Variants in TAB1 observed in about 807,000 individuals in gnomAD.
TAB1 encodes TGF-beta-activated kinase 1 and MAP3K7-binding protein 1.
A neutral mutation model predicts 54.5 loss-of-function variants in TAB1; 30 were observed. The observed-to-expected ratio is 0.55, with a 90% CI of 0.41 to 0.75. TAB1 has a LOEUF of 0.75. TAB1 is among the 30% of genes least tolerant of loss of function. TAB1 has a pLI of 0.00. For synonymous variants in TAB1, 289 were observed against 286.9 expected (o/e 1.01, Z -0.07); for missense variants, 609 against 683.2 (o/e 0.89, Z 1.21).
intron 1 of TAB1, among the ~76,000 whole-genome samples, chr22:39,412,701 C>T (rs889414063): frequency 1.3e-5 from 2 of 152,146 alleles, no homozygotes; most frequent in African/African-American, 4.8e-5. Flanking sequence ...CAAAAGCTAA[C>T]CACAGGCTTT....
At chr22:39,429,110 T>C in intron 10 of TAB1, 1 of 985,436 alleles carries the variant, frequency 1.0e-6, no homozygotes. Flanking sequence ...CCCCTGCCTG[T>C]GTTCCTCACT....
chr22:39,436,393 CAGAG>C (rs973591341), downstream of TAB1: 26 of 978,120 alleles, frequency 2.7e-5, no homozygotes, highest in Admixed American at 2.5e-4. Flanking sequence ...TCCGTGGCCT[CAGAG>C]AGGTTTAGAA....
At chr22:39,429,377 G>A (rs1927488302) in intron 10 of TAB1, 2 of 985,426 alleles carry the variant, frequency 2.0e-6, no homozygotes, top group East Asian at 2.3e-4. Flanking sequence ...AGCTTCACCC[G>A]AGGAACTTCC....
chr22:39,434,113 G>A (rs1016820090), downstream of TAB1, among the ~76,000 whole-genome samples: 1 of 152,200 alleles, frequency 6.6e-6, no homozygotes, highest in Admixed American at 6.5e-5. Flanking sequence ...GGTTTTTCAT[G>A]TACAAAATGA....
intron 1 of TAB1, among the ~76,000 whole-genome samples, chr22:39,410,717 G>A (rs1926572297): frequency 1.3e-5 from 2 of 152,166 alleles, no homozygotes; most frequent in Non-Finnish European, 2.9e-5. Context: ...ATAAATAAGT[G>A]TAGAGACACA....
chr22:39,433,003 G>A (rs933165472), downstream of TAB1: 62 of 985,270 alleles, frequency 6.3e-5, no homozygotes, highest in Middle Eastern at 1.0e-3. Flanking sequence ...CACTGCCACC[G>A]TCCACGTCCC....
chr22:39,430,239 A>G lies in TAB1; in HGVS notation c.*17A>G. 6.2e-7 allele frequency: 1 copy of G among 1,609,210 alleles called. No individual in the cohort carries two copies. Among genetic ancestry groups the G allele is most frequent in the Non-Finnish European group, 8.5e-7 (1 of 1,179,896 alleles). On this transcript the variant is annotated 3_prime_UTR_variant, in exon 11 of 11. Transcript: ENST00000216160. Reference sequence around the variant, plus strand: ...GCACCGTAGGGCAGCCGGAGAATGCAGCCCAAGCAGGGCCTGGCATGGGGC... The same window carrying G: ...GCACCGTAGGGCAGCCGGAGAATGCGGCCCAAGCAGGGCCTGGCATGGGGC...
At chr22:39,426,649 G>T in intron 8 of TAB1, 54 bp from the exon 9 acceptor site, 2 of 1,481,328 alleles carry the variant, frequency 1.4e-6, no homozygotes, top group Non-Finnish European at 1.8e-6. Context: ...TATGGCCCAT[G>T]CCCCCCAGGC....
chr22:39,418,285 A>G (rs969102779), intron 5 of TAB1, among the ~76,000 whole-genome samples: 4 of 152,136 alleles, frequency 2.6e-5, no homozygotes, highest in African/African-American at 2.4e-5. Context: ...CCTTCTGATG[A>G]TGCTGCCTTT....
At chr22:39,435,858 G>A (rs1028380238), downstream of TAB1, among the ~76,000 whole-genome samples, 5 of 152,178 alleles carry the variant, frequency 3.3e-5, no homozygotes, top group African/African-American at 7.2e-5. Context: ...CCAAGACCAC[G>A]TGACCTTTCC....
At chr22:39,417,607 C>G in intron 4 of TAB1, 104 bp from the exon 5 acceptor site, 1 of 1,211,044 alleles carries the variant, frequency 8.3e-7, no homozygotes, top group Non-Finnish European at 1.1e-6. Context: ...GGGGACACAG[C>G]GAGACTCCAT....
At chr22:39,435,640 G>T (rs1927752702), downstream of TAB1, among the ~76,000 whole-genome samples, 1 of 152,230 alleles carries the variant, frequency 6.6e-6, no homozygotes, top group African/African-American at 2.4e-5. Flanking sequence ...CATGTAAGCG[G>T]CTCCCTGTGG....
chr22:39,416,955 T>G, intron 4 of TAB1, 78 bp downstream of exon 4: 6 of 1,399,462 alleles, frequency 4.3e-6, no homozygotes, highest in Non-Finnish European at 6.0e-6. Flanking sequence ...TCTACTTTCT[T>G]GACATTACTG....
downstream of TAB1, chr22:39,432,699 T>G: frequency 1.0e-6 from 1 of 970,600 alleles, no homozygotes; most frequent in South Asian, 4.8e-5. Flanking sequence ...TCAGGCACAG[T>G]CCTGGTCACA....
rs1601700374 is a variant in TAB1 at position 39,427,886 on chromosome 22, G to T, written c.1145-135G>T. The T allele has an allele frequency of 7.3e-6, 6 of 825,242 alleles. No individual in the cohort carries two copies. In the East Asian group the frequency reaches 1.4e-4, roughly 19 times the overall value. The allele number at this position is 825,242 out of a possible 1,614,324, so 51.1% of individuals were successfully genotyped here. A position where few individuals can be genotyped will look rare whatever the true frequency, so the allele number is the denominator to read the frequency against. On this transcript the variant is annotated intron_variant, in intron 9 of 10. Transcript: ENST00000216160. Reference sequence around the variant, plus strand: ...AGGGGCAGGGGGCCCCACTGGGCTTGGGGAGCCAGGCATGGCCGCCACCCA... The same window carrying T: ...AGGGGCAGGGGGCCCCACTGGGCTTTGGGAGCCAGGCATGGCCGCCACCCA...
In TAB1 at chr22:39,419,572, A is replaced by T; in HGVS notation, c.718A>T (p.Thr240Ser). Residue 240 changes from threonine to serine, a missense_variant, in exon 7 of 11, where the codon ACC (threonine) becomes TCC (serine). Coordinates refer to ENST00000216160, the MANE Select transcript of TAB1 (RefSeq NM_006116.3). ...GGGGATCATCTGTGGGCAGGAGAGC[A>T]CCCGGCGGATCGGGGATTACAAGGT... ...QVGIICGQES[T>S]RRIGDYKVKY... is the part of the protein sequence containing the mutation. The T allele has an allele frequency of 6.2e-7, 1 of 1,613,184 alleles. No individual in the cohort carries two copies. The highest frequency in any genetic ancestry group is 8.5e-7 in the Non-Finnish European group (1 of 1,179,484).
At chr22:39,428,238 T>TG in intron 10 of TAB1, 55 bp downstream of exon 10, 2 of 1,284,256 alleles carry the variant, frequency 1.6e-6, no homozygotes, top group Non-Finnish European at 2.2e-6. Flanking sequence ...GTGTGTGTCC[T>TG]GTGGCACCAG....
chr22:39,432,323 T>A (rs898312548), downstream of TAB1: 1 of 152,338 alleles, frequency 6.6e-6, no homozygotes, highest in Non-Finnish European at 1.5e-5. Context: ...GGGTTTTGCT[T>A]TGGGGAAGGA....
At chr22:39,403,989 G>A (rs936417912) in intron 1 of TAB1, among the ~76,000 whole-genome samples, 2 of 152,122 alleles carry the variant, frequency 1.3e-5, no homozygotes, top group Non-Finnish European at 2.9e-5. Flanking sequence ...GGAAGCCTGG[G>A]ACCTCCTAAG....
Sources: allele counts gnomAD v4.1 joint callset (sites outside exome capture counted in the v4.1 genomes callset), GRCh38; gene constraint gnomAD v4.1.1; transcripts MANE v1.5; gene names NCBI Gene and HGNC (gene_info 2026-07-23, HGNC 2026-07-21).